SHROOM2: variants seen among roughly 807,000 people sequenced by gnomAD.
The protein encoded by SHROOM2 is protein Shroom2.
SHROOM2 carries 33 observed loss-of-function variants against 75.9 expected under a neutral mutation model. The observed-to-expected ratio is 0.43, with a 90% CI of 0.33 to 0.58. SHROOM2 has a LOEUF of 0.58. Ranked by LOEUF, SHROOM2 falls within the 20% of genes least tolerant of loss-of-function variation. The pLI is 0.04. For missense variants in SHROOM2, 1,434 were observed against 1,461.2 expected (o/e 0.98, Z 0.30); for synonymous variants, 655 against 663.6 (o/e 0.99, Z 0.20).
At position 9,896,374 on chromosome X, in the gene SHROOM2, G is replaced by C. The variant is rs750497119; in HGVS notation, c.2466G>C (p.Pro822=). Residue 822 remains proline, a synonymous_variant, in exon 4 of 10, where the codon CCG becomes CCC. Coordinates refer to ENST00000380913, the MANE Select transcript of SHROOM2 (RefSeq NM_001649.4). Reference sequence around the variant, plus strand: ...AGAAGCAAGCTCTTCACGGAATCCCGAGAGACAAGCCAGAGAGGCCGCGGA... The same window carrying C: ...AGAAGCAAGCTCTTCACGGAATCCCCAGAGACAAGCCAGAGAGGCCGCGGA... The part of the protein sequence containing the change: ...PAQKQALHGI[P]RDKPERPRTA... 5.0e-6 allele frequency: 6 copies of C among 1,211,435 alleles called. No homozygotes were observed. In the South Asian group the frequency reaches 5.3e-5, roughly 11 times the overall value.
At chrX:9,838,205 T>C (rs1158251191) in intron 1 of SHROOM2, among the ~76,000 whole-genome samples, 7 of 108,424 alleles carry the variant, frequency 6.5e-5, no homozygotes, top group Non-Finnish European at 1.1e-4. Context: ...GGACTACAGG[T>C]GCCCGCCACC....
rs770300117 is a variant in SHROOM2 at position 9,898,263 on chromosome X, G to A, written c.2864G>A (p.Arg955Gln). ...AGAGAAGAGCTTCCCTCCGCAGTCCGGGCCGAGGAGGGACAGTCCACGCCG... is the reference window on the plus strand; with the variant it reads ...AGAGAAGAGCTTCCCTCCGCAGTCCAGGCCGAGGAGGGACAGTCCACGCCG... Reference protein sequence around the residue: ...EPREELPSAVRAEEGQSTPRQ... With the variant: ...EPREELPSAVQAEEGQSTPRQ... The change falls in exon 5 of 10, where the codon CGG becomes CAG. Residue 955 changes from arginine to glutamine, a missense_variant. Physicochemically the swap from Arg to Gln is conservative, Grantham distance 43. Transcript: ENST00000380913. 7 of 1,181,042 alleles carry A rather than the reference G, an allele frequency of 5.9e-6. No homozygotes were observed. The highest frequency in any genetic ancestry group is 1.9e-5 in the South Asian group (1 of 53,520).
In SHROOM2 at chrX:9,944,692, C is replaced by T. The variant is rs902544939; in HGVS notation, c.4363C>T (p.Arg1455Cys). 6.6e-6 allele frequency: 8 copies of T among 1,210,861 alleles called. No homozygotes were observed. The highest frequency in any genetic ancestry group is 5.2e-5 in the African/African-American group (3 of 57,862). Residue 1455 changes from arginine (R) to cysteine (C), a missense_variant, in exon 9 of 10, where the codon CGC becomes TGC. This residue lies in a region of SHROOM2 where 1,340 missense variants were observed against 1,338.3 expected (regional missense o/e 1.00). Coordinates refer to ENST00000380913, the MANE Select transcript of SHROOM2 (RefSeq NM_001649.4). ...CAAGCTGCAGGTGCTCCGGGAGGCC[C>T]GCGAGAGCCTGCTGGAGGACGTGCA... The part of the protein sequence containing the change: ...SRKLQVLREA[R>C]ESLLEDVQAN...
intron 6 of SHROOM2, among the ~76,000 whole-genome samples, chrX:9,936,494 A>G (rs974677541): frequency 1.8e-5 from 2 of 111,966 alleles, no homozygotes; most frequent in Non-Finnish European, 3.8e-5. Context: ...GCGAGATCGT[A>G]TCTCACTGGT....
At chrX:9,924,637 C>T (rs1032531211) in intron 5 of SHROOM2, among the ~76,000 whole-genome samples, 5 of 108,727 alleles carry the variant, frequency 4.6e-5, no homozygotes, top group East Asian at 2.9e-4. Flanking sequence ...ATTGCAGGCA[C>T]GGGGCACCAC....
intron 1 of SHROOM2, among the ~76,000 whole-genome samples, chrX:9,866,303 G>GAC (rs1812540236): frequency 9.1e-6 from 1 of 109,551 alleles, no homozygotes; most frequent in Non-Finnish European, 1.9e-5. Context: ...ACTGAGAGGT[G>GAC]ACTTCAGTGC....
chrX:9,791,012 C>T (rs2083644848), intron 1 of SHROOM2, among the ~76,000 whole-genome samples: 1 of 110,894 alleles, frequency 9.0e-6, no homozygotes, highest in Non-Finnish European at 1.9e-5. Context: ...CCTATGAATC[C>T]AGAGCCTTCT....
chrX:9,791,417 A>G (rs1232996755), intron 1 of SHROOM2, among the ~76,000 whole-genome samples: 1 of 112,200 alleles, frequency 8.9e-6, no homozygotes, highest in African/African-American at 3.2e-5. Flanking sequence ...TCTTAAGGGC[A>G]GTGGAGAAAA....
intron 1 of SHROOM2, among the ~76,000 whole-genome samples, chrX:9,794,696 A>G (rs181292413): frequency 4.1e-4 from 46 of 111,729 alleles, no homozygotes; most frequent in African/African-American, 1.3e-3. Flanking sequence ...TTAACTGACT[A>G]CTGTCTCAGT....
At chrX:9,940,356 G>T (rs922466990) in intron 8 of SHROOM2, among the ~76,000 whole-genome samples, 17 of 111,985 alleles carry the variant, frequency 1.5e-4, no homozygotes, top group African/African-American at 5.5e-4. Context: ...TGTTTTTCAT[G>T]ATATAATGAA....
chrX:9,921,020 C>A (rs2084539681), intron 5 of SHROOM2, among the ~76,000 whole-genome samples: 1 of 112,081 alleles, frequency 8.9e-6, no homozygotes, highest in Non-Finnish European at 1.9e-5. Flanking sequence ...CCTGAGATTG[C>A]AGTCAACACG....
intron 1 of SHROOM2, among the ~76,000 whole-genome samples, chrX:9,792,526 T>G (rs1375762930): frequency 7.4e-5 from 8 of 107,817 alleles, no homozygotes; most frequent in African/African-American, 2.7e-4. Context: ...GAGGGCTGCT[T>G]CTTTTGGATG....
chrX:9,888,661 C>G (rs2084274503), intron 2 of SHROOM2, among the ~76,000 whole-genome samples: 1 of 111,426 alleles, frequency 9.0e-6, no homozygotes, highest in Non-Finnish European at 1.9e-5. Context: ...CCAGGCTGAT[C>G]TCAAACTCCT....
chrX:9,933,560 G>A (rs2084672067), intron 6 of SHROOM2, among the ~76,000 whole-genome samples: 1 of 111,775 alleles, frequency 8.9e-6, no homozygotes, highest in Admixed American at 9.5e-5. Context: ...CGCTTGAGCT[G>A]AAGGAGTTCG....
At chrX:9,897,495 G>A (rs1289769569) in intron 4 of SHROOM2, among the ~76,000 whole-genome samples, 1 of 104,560 alleles carries the variant, frequency 9.6e-6, no homozygotes, top group Non-Finnish European at 1.9e-5. Context: ...GAGGAAGGAT[G>A]ATCACTTGAG....
At chrX:9,910,757 C>T (rs2084419312) in intron 5 of SHROOM2, among the ~76,000 whole-genome samples, 1 of 109,254 alleles carries the variant, frequency 9.2e-6, no homozygotes, top group African/African-American at 3.4e-5. Context: ...GCGGAGGTTG[C>T]AGTGAGCTGA....
rs1191328503 is a variant in SHROOM2, at chrX:9,878,794, G to C, written c.317+4991G>C. On this transcript the variant is annotated intron_variant, in intron 2 of 9. Coordinates refer to ENST00000380913, the MANE Select transcript of SHROOM2 (RefSeq NM_001649.4). ...CTGAGGCAGAAATGGTGCATGGTCA[G>C]ATGGAGGGCATGCTCCTTAGTGGGG... 2.9e-5 allele frequency among the ~76,000 whole-genome samples: 3 copies of C among 104,170 alleles called. No individual in the cohort carries two copies. In the East Asian group the frequency reaches 9.4e-4, roughly 32 times the overall value. The allele number at this position is 104,170 out of a possible 115,157, so 90.5% of individuals were successfully genotyped here.
intron 1 of SHROOM2, among the ~76,000 whole-genome samples, chrX:9,816,139 C>T (rs906269763): frequency 3.6e-5 from 4 of 112,473 alleles, no homozygotes; most frequent in African/African-American, 1.3e-4. Context: ...TGTCTGAATG[C>T]TATTGTCCTA....
At chrX:9,912,246 CACACAT>C (rs1387181888) in intron 5 of SHROOM2, among the ~76,000 whole-genome samples, 11 of 54,637 alleles carry the variant, frequency 2.0e-4, no homozygotes, top group African/African-American at 7.3e-4. Flanking sequence ...CACACACACA[CACACAT>C]AAAGGAAGAC....
Sources: gnomAD v4.1 joint callset for allele counts (sites outside exome capture counted in the v4.1 genomes callset) on GRCh38, gnomAD v4.1.1 for gene constraint, gnomAD v4.1.1 regional missense constraint, MANE v1.5 for transcripts, NCBI Gene and HGNC (gene_info 2026-07-23, HGNC 2026-07-21) for gene names.